Variants in EIF4G3 observed in about 807,000 individuals in gnomAD.
The protein encoded by EIF4G3 is eIF-4-gamma 3.
A neutral mutation model predicts 186.4 loss-of-function variants in EIF4G3; 34 were observed. That is an observed-to-expected ratio of 0.18 (90% CI 0.14 to 0.24). EIF4G3 has a LOEUF of 0.24. EIF4G3 is among the 10% of genes least tolerant of loss of function. The probability of loss-of-function intolerance (pLI) is 1.00; values close to 1 mark genes in which losing one functional copy is unlikely to be tolerated. For synonymous variants in EIF4G3, 673 were observed against 679.5 expected, an observed-to-expected ratio of 0.99 and a Z score of 0.15; for missense variants, 1,536 against 1,948.5, an observed-to-expected ratio of 0.79 and a Z score of 3.99.
chr1:21,034,265 G>A (rs2092994694), intron 4 of EIF4G3, among the ~76,000 whole-genome samples: 1 of 152,162 alleles, frequency 6.6e-6, no homozygotes, highest in Non-Finnish European at 1.5e-5. Flanking sequence ...TATTTTAAAT[G>A]TTATCTACCA....
intron 2 of EIF4G3, among the ~76,000 whole-genome samples, chr1:21,139,357 A>C (rs752522547): frequency 6.6e-6 from 1 of 152,146 alleles, no homozygotes; most frequent in Non-Finnish European, 1.5e-5. Context: ...TGGGAGGCTG[A>C]GGCAGGAGAA....
At chr1:20,920,734 G>C (rs1382817889) in intron 14 of EIF4G3, among the ~76,000 whole-genome samples, 1 of 151,884 alleles carries the variant, frequency 6.6e-6, no homozygotes. Flanking sequence ...AACTTCCACC[G>C]AGAGCTTGGG....
intron 34 of EIF4G3, among the ~76,000 whole-genome samples, chr1:20,815,663 C>A (rs2060487488): frequency 6.7e-6 from 1 of 148,566 alleles, no homozygotes; most frequent in Admixed American, 6.6e-5. Flanking sequence ...GGGGGGTCAG[C>A]CCCCCGCCCG....
chr1:21,131,015 G>A (rs1382701637), intron 2 of EIF4G3, among the ~76,000 whole-genome samples: 1 of 151,936 alleles, frequency 6.6e-6, no homozygotes, highest in Non-Finnish European at 1.5e-5. Flanking sequence ...CAAGGTGGGT[G>A]GATCACCTGA....
At chr1:20,942,384 T>C in intron 13 of EIF4G3, 54 bp from the exon 14 acceptor site, 2 of 1,508,450 alleles carry the variant, frequency 1.3e-6, no homozygotes, top group East Asian at 2.3e-5. Flanking sequence ...AGACTACATA[T>C]TGCCTTGGGC....
intron 3 of EIF4G3, among the ~76,000 whole-genome samples, chr1:21,077,032 A>C (rs1386222588): frequency 6.6e-6 from 1 of 152,234 alleles, no homozygotes; most frequent in Non-Finnish European, 1.5e-5. Flanking sequence ...AATATATGCA[A>C]ACTATACATT....
intron 14 of EIF4G3, among the ~76,000 whole-genome samples, chr1:20,909,876 G>A (rs1029675037): frequency 6.6e-6 from 1 of 151,182 alleles, no homozygotes; most frequent in Non-Finnish European, 1.5e-5. Flanking sequence ...CAGACTCCTG[G>A]GCCCAAGTGA....
intron 2 of EIF4G3, among the ~76,000 whole-genome samples, chr1:21,096,488 T>C (rs926723349): frequency 1.3e-5 from 2 of 152,318 alleles, no homozygotes; most frequent in African/African-American, 4.8e-5. Flanking sequence ...AGTATATCCA[T>C]TGAACAAAAT....
At chr1:21,084,323 T>C (rs1391521107) in intron 3 of EIF4G3, among the ~76,000 whole-genome samples, 1 of 150,990 alleles carries the variant, frequency 6.6e-6, no homozygotes, top group Non-Finnish European at 1.5e-5. Context: ...ACAATAATGG[T>C]AGAAAACGAA....
Position 20,816,942 on chromosome 1 carries a change from A to C in EIF4G3, c.4515+450T>G, listed in dbSNP as rs375264590. ...GGGATCCTGTTGATCTGTGACCTTA[A>C]CCCCAACCCTGTGCTCTCTGAAACA... On this transcript the variant is annotated intron_variant, in intron 34 of 36. Transcript: ENST00000602326. Among the ~76,000 whole-genome samples, 10 of 141,446 alleles carry C rather than the reference A, an allele frequency of 7.1e-5. 1 individual carries two copies. The highest frequency in any genetic ancestry group is 4.2e-4 in the East Asian group (2 of 4,738). 92.8% of individuals were successfully genotyped at this position (141,446 alleles called of 152,430 possible).
intron 30 of EIF4G3, among the ~76,000 whole-genome samples, chr1:20,833,043 G>C (rs1380538071): frequency 7.7e-5 from 6 of 77,990 alleles, no homozygotes; most frequent in Admixed American, 4.8e-4. Flanking sequence ...GTCAGGTAGT[G>C]TGATGCCTCC....
rs1441941353 is a variant in EIF4G3, at chr1:21,026,316, G to C, written c.-66-23508C>G. Among the ~76,000 whole-genome samples the C allele has an allele frequency of 2.0e-5, 3 of 152,276 alleles. No individual in the cohort carries two copies. In the East Asian group the frequency reaches 5.8e-4, roughly 29 times the overall value. On this transcript the variant is annotated intron_variant, in intron 4 of 36. Coordinates refer to ENST00000602326, the MANE Select transcript of EIF4G3 (RefSeq NM_001391906.1). The stretch of plus-strand genomic sequence containing the variant: ...GGGGAAAGGACATTTTCAACAAATG[G>C]TTCTGGGAGAAATTAGATATACATA...
chr1:20,857,479 T>C lies in EIF4G3; in HGVS notation c.3263A>G (p.Glu1088Gly). The C allele has an allele frequency of 6.2e-7, 1 of 1,614,146 alleles. No individual in the cohort carries two copies. The highest frequency in any genetic ancestry group is 1.1e-5 in the South Asian group (1 of 91,084). Reference sequence around the variant, plus strand: ...CCCTTGTACAGTGTTCCACCCACCTTCGTCCACTCTCTGGACACCTGCAGG... The same window carrying C: ...CCCTTGTACAGTGTTCCACCCACCTCCGTCCACTCTCTGGACACCTGCAGG... ...KRRPGVQRVD[E>G]GGWNTVQGAK... Residue 1088 changes from glutamate to glycine, a missense_variant, in exon 25 of 37, where the codon GAA (glutamate) becomes GGA (glycine). Coordinates refer to ENST00000602326, the MANE Select transcript of EIF4G3 (RefSeq NM_001391906.1).
At chr1:21,022,648 T>C (rs2091011995) in intron 4 of EIF4G3, among the ~76,000 whole-genome samples, 1 of 152,210 alleles carries the variant, frequency 6.6e-6, no homozygotes, top group Non-Finnish European at 1.5e-5. Flanking sequence ...TATTATGTTC[T>C]AATATTCCCA....
chr1:21,007,199 A>G (rs2085340148), intron 4 of EIF4G3, among the ~76,000 whole-genome samples: 1 of 152,060 alleles, frequency 6.6e-6, no homozygotes, highest in South Asian at 2.1e-4. Context: ...GGAGCTCGAG[A>G]CCAGCCTGGC....
chr1:21,007,100 T>A (rs1261087042), intron 4 of EIF4G3, among the ~76,000 whole-genome samples: 1 of 152,094 alleles, frequency 6.6e-6, no homozygotes, highest in Non-Finnish European at 1.5e-5. Flanking sequence ...TGCCAAATTT[T>A]CAAAGAGGTA....
chr1:21,022,250 A>T (rs1244889302), intron 4 of EIF4G3, among the ~76,000 whole-genome samples: 1 of 152,252 alleles, frequency 6.6e-6, no homozygotes, highest in Admixed American at 6.5e-5. Context: ...CCAGTTATTT[A>T]TAAGGGAAAG....
At position 20,853,553 on chromosome 1, in the gene EIF4G3, T is replaced by A; in HGVS notation, c.3551+7A>T. On this transcript the variant is annotated splice_region_variant and intron_variant, in intron 27 of 36. Coordinates refer to ENST00000602326, the MANE Select transcript of EIF4G3 (RefSeq NM_001391906.1). Reference sequence around the variant, plus strand: ...CCTTGAGTAGACATAAAAAGCAGGGTTCTCACCTAGTTAAGGTCCTTCGGG... The same window carrying A: ...CCTTGAGTAGACATAAAAAGCAGGGATCTCACCTAGTTAAGGTCCTTCGGG... The A allele has an allele frequency of 6.3e-7, 1 of 1,595,914 alleles. No homozygotes were observed. Among genetic ancestry groups the A allele is most frequent in the Non-Finnish European group, 8.6e-7 (1 of 1,163,444 alleles).
At chr1:21,133,500 C>T (rs1416169614) in intron 2 of EIF4G3, among the ~76,000 whole-genome samples, 1 of 152,182 alleles carries the variant, frequency 6.6e-6, no homozygotes, top group African/African-American at 2.4e-5. Flanking sequence ...GCTGGGATTA[C>T]AGGCATGAGC....
Sources: allele counts gnomAD v4.1 joint callset (sites outside exome capture counted in the v4.1 genomes callset), GRCh38; gene constraint gnomAD v4.1.1; transcripts MANE v1.5; gene names NCBI Gene and HGNC (gene_info 2026-07-23, HGNC 2026-07-21).